The following CNBD1 variants were observed in gnomAD, a reference collection of about 807,000 sequenced individuals.
CNBD1 encodes the protein cyclic nucleotide binding domain containing 1.
Under a neutral mutation model 54.4 loss-of-function variants are expected in CNBD1, and 71 were observed. The observed-to-expected ratio is 1.30, with a 90% CI of 1.08 to 1.59. CNBD1 has a LOEUF of 1.59. CNBD1 is among the 40% of genes most tolerant of loss of function. The probability of loss-of-function intolerance (pLI) is 0.00; values close to 1 mark genes in which losing one functional copy is unlikely to be tolerated. For synonymous variants in CNBD1, 182 were observed against 170.7 expected (o/e 1.07, Z -0.51); for missense variants, 659 against 518.0 (o/e 1.27, Z -2.64).
intron 6 of CNBD1, among the ~76,000 whole-genome samples, chr8:87,249,670 G>T (rs1335114363): frequency 2.0e-5 from 3 of 152,098 alleles, no homozygotes; most frequent in Admixed American, 6.6e-5. Flanking sequence ...TGTGCACTTT[G>T]CAGCCTAATT....
intron 1 of CNBD1, among the ~76,000 whole-genome samples, chr8:86,885,553 T>C (rs1165542007): frequency 6.6e-6 from 1 of 152,198 alleles, no homozygotes; most frequent in Non-Finnish European, 1.5e-5. Flanking sequence ...TTGAACCTCT[T>C]TAAACTTTAT....
intron 4 of CNBD1, among the ~76,000 whole-genome samples, chr8:87,008,156 A>C (rs1222278375): frequency 6.6e-6 from 1 of 152,146 alleles, no homozygotes; most frequent in Non-Finnish European, 1.5e-5. Context: ...TCATTAATTT[A>C]TTGTTTTTTC....
At chr8:86,965,590 A>G (rs1425624443) in intron 4 of CNBD1, among the ~76,000 whole-genome samples, 1 of 152,110 alleles carries the variant, frequency 6.6e-6, no homozygotes, top group Non-Finnish European at 1.5e-5. Flanking sequence ...CCAAAAAAAA[A>G]GGACAGAAAG....
chr8:87,049,939 T>C (rs1025499083), intron 4 of CNBD1, among the ~76,000 whole-genome samples: 2 of 152,212 alleles, frequency 1.3e-5, no homozygotes, highest in Non-Finnish European at 2.9e-5. Context: ...GACAGACTGC[T>C]GGGATGGACC....
intron 4 of CNBD1, among the ~76,000 whole-genome samples, chr8:87,092,039 T>C (rs879270361): frequency 2.0e-5 from 3 of 152,202 alleles, no homozygotes; most frequent in Admixed American, 2.0e-4. Context: ...CAGATGGTTA[T>C]ATTTATTTCA....
intron 8 of CNBD1, among the ~76,000 whole-genome samples, chr8:87,290,057 T>C (rs1219543313): frequency 6.6e-6 from 1 of 152,154 alleles, no homozygotes; most frequent in East Asian, 1.9e-4. Context: ...GGTCTTACCA[T>C]ATAAATTTCA....
intron 8 of CNBD1, among the ~76,000 whole-genome samples, chr8:87,302,866 T>G (rs1019221910): frequency 6.6e-6 from 1 of 152,210 alleles, no homozygotes; most frequent in African/African-American, 2.4e-5. Context: ...AGCCAAATCA[T>G]GAGTAAACTC....
intron 4 of CNBD1, among the ~76,000 whole-genome samples, chr8:86,996,240 A>G (rs1808867426): frequency 6.6e-6 from 1 of 152,152 alleles, no homozygotes; most frequent in Non-Finnish European, 1.5e-5. Context: ...GCACCTAGCT[A>G]TGCAAGGTCT....
At chr8:87,118,365 T>G (rs920260418) in intron 4 of CNBD1, among the ~76,000 whole-genome samples, 15 of 146,474 alleles carry the variant, frequency 1.0e-4, no homozygotes, top group African/African-American at 3.8e-4. Flanking sequence ...TATATGAGAA[T>G]ACCGCTGGTA....
chr8:87,100,737 C>T (rs552694969), intron 4 of CNBD1, among the ~76,000 whole-genome samples: 5 of 152,120 alleles, frequency 3.3e-5, no homozygotes, highest in Non-Finnish European at 7.4e-5. Flanking sequence ...GGCCTCCCAA[C>T]GTGCTGGGAT....
At position 86,981,929 on chromosome 8, in the gene CNBD1, A is replaced by G. The variant is rs553458287; in HGVS notation, c.431+42175A>G. 2.0e-5 allele frequency among the ~76,000 whole-genome samples: 3 copies of G among 152,340 alleles called. No individual in the cohort carries two copies. In the South Asian group the frequency reaches 6.2e-4, roughly 32 times the overall value. ...ACAGTTGTACTCTGGGTTAACACAC[A>G]GAAGTGGGATTCCCGGGTCATACTA... On this transcript the variant is annotated intron_variant, in intron 4 of 10. Transcript: ENST00000518476.
At chr8:87,289,330 G>A (rs2336987) in intron 8 of CNBD1, among the ~76,000 whole-genome samples, 26,607 of 151,970 alleles carry the variant, frequency 0.18, 3,031 homozygotes, top group South Asian at 0.26. Context: ...ATATGCCAAG[G>A]GAACCTTATT....
At chr8:86,990,535 G>T (rs1344096023) in intron 4 of CNBD1, among the ~76,000 whole-genome samples, 1 of 152,104 alleles carries the variant, frequency 6.6e-6, no homozygotes, top group Admixed American at 6.5e-5. Flanking sequence ...TGTCTATTCT[G>T]TTTCATTGGT....
intron 4 of CNBD1, among the ~76,000 whole-genome samples, chr8:86,992,940 T>C (rs1808786506): frequency 6.6e-6 from 1 of 152,138 alleles, no homozygotes; most frequent in African/African-American, 2.4e-5. Context: ...TTGGTGATAG[T>C]CATCTTATAT....
At chr8:87,371,340 T>C (rs1034455389) in intron 10 of CNBD1, among the ~76,000 whole-genome samples, 3 of 152,042 alleles carry the variant, frequency 2.0e-5, no homozygotes, top group Non-Finnish European at 2.9e-5. Context: ...TTTCATGATA[T>C]TGATTCTTCC....
chr8:87,215,744 A>T (rs1186868925), intron 5 of CNBD1, among the ~76,000 whole-genome samples: 2 of 152,194 alleles, frequency 1.3e-5, no homozygotes, highest in African/African-American at 2.4e-5. Flanking sequence ...TAAGCCTTTT[A>T]AAAAATTGGG....
intron 10 of CNBD1, among the ~76,000 whole-genome samples, chr8:87,371,340 T>G (rs1034455389): frequency 6.6e-6 from 1 of 152,042 alleles, no homozygotes; most frequent in Non-Finnish European, 1.5e-5. Context: ...TTTCATGATA[T>G]TGATTCTTCC....
At position 87,379,674 on chromosome 8, in the gene CNBD1, G is replaced by T. The variant is rs185541432; in HGVS notation, c.1304-2946G>T. On this transcript the variant is annotated intron_variant, in intron 10 of 10. Transcript: ENST00000518476. ...TAAAAGTGCATATTAAATTAATGAT[G>T]AAACATTATTGCACTGTCAGAATAC... 9.4e-4 allele frequency among the ~76,000 whole-genome samples: 143 copies of T among 151,966 alleles called. 1 individual carries two copies. Among genetic ancestry groups the T allele is most frequent in the Non-Finnish European group, 1.3e-3 (87 of 67,918 alleles).
chr8:87,119,883 T>C (rs926689144), intron 4 of CNBD1, among the ~76,000 whole-genome samples: 1 of 152,150 alleles, frequency 6.6e-6, no homozygotes, highest in African/African-American at 2.4e-5. Flanking sequence ...ATCATATTTA[T>C]TTATTTGCAT....
Sources: gnomAD v4.1 joint callset for allele counts (sites outside exome capture counted in the v4.1 genomes callset) on GRCh38, gnomAD v4.1.1 for gene constraint, MANE v1.5 for transcripts, NCBI Gene and HGNC (gene_info 2026-07-23, HGNC 2026-07-21) for gene names.